LSM3: variants seen among roughly 807,000 people sequenced by gnomAD.
LSM3 encodes the protein LSM3 homolog, U6 small nuclear RNA and mRNA degradation associated, also known as U6 snRNA-associated Sm-like protein LSm3.
In LSM3, 14 loss-of-function variants were observed where a neutral mutation model predicts 15.4. The ratio of observed to expected loss-of-function variants is 0.91; its 90% confidence interval spans 0.60 to 1.42. LSM3 has a LOEUF of 1.42. Ranked by LOEUF, LSM3 falls within the 40% of genes most tolerant of loss-of-function variation. The probability of loss-of-function intolerance (pLI) is 0.00; values close to 1 mark genes in which losing one functional copy is unlikely to be tolerated. For synonymous variants in LSM3, 46 were observed against 45.1 expected, an observed-to-expected ratio of 1.02 and a Z score of -0.08; for missense variants, 88 against 127.9, an observed-to-expected ratio of 0.69 and a Z score of 1.50.
intron 2 of LSM3, 69 bp downstream of exon 2, chr3:14,181,739 C>T: frequency 8.8e-7 from 1 of 1,141,658 alleles, no homozygotes; most frequent in African/African-American, 1.5e-5. Flanking sequence ...AAATGTAAAA[C>T]CTGTCCAGAG....
At chr3:14,191,522 T>C (rs1697139369) in intron 3 of LSM3, among the ~76,000 whole-genome samples, 1 of 152,232 alleles carries the variant, frequency 6.6e-6, no homozygotes, top group Non-Finnish European at 1.5e-5. Flanking sequence ...AGGGTGTATG[T>C]GTCCAGGAAT....
intron 3 of LSM3, 77 bp downstream of exon 3, chr3:14,184,109 G>C: frequency 6.8e-7 from 1 of 1,476,278 alleles, no homozygotes; most frequent in Non-Finnish European, 9.0e-7. Flanking sequence ...ATATTTATGG[G>C]AAGCCTGTCA....
At chr3:14,194,574 G>A (rs1697170908) in intron 3 of LSM3, among the ~76,000 whole-genome samples, 1 of 151,902 alleles carries the variant, frequency 6.6e-6, no homozygotes, top group African/African-American at 2.4e-5. Flanking sequence ...CTAAATGTTT[G>A]TATGAGTGAA....
chr3:14,184,797 TG>T (rs1210304994), intron 3 of LSM3, among the ~76,000 whole-genome samples: 2 of 151,642 alleles, frequency 1.3e-5, no homozygotes, highest in African/African-American at 2.4e-5. Flanking sequence ...GGCTCACACC[TG>T]TAATCCTAGC....
rs770997752 is a variant in LSM3 at position 14,181,547 on chromosome 3, T to C, written c.22-13T>C. The C allele has an allele frequency of 1.3e-6, 2 of 1,564,374 alleles. No homozygotes were observed. Among genetic ancestry groups the C allele is most frequent in the Non-Finnish European group, 1.8e-6 (2 of 1,134,834 alleles). ...CTCTAGTACTACATTACTAATCCTG[T>C]TTCTTTTATCAGCAACAAACTACCA... On this transcript the variant is annotated splice_polypyrimidine_tract_variant and intron_variant, in intron 1 of 3. Transcript: ENST00000306024.
intron 3 of LSM3, among the ~76,000 whole-genome samples, chr3:14,188,626 GT>G (rs199818320): frequency 1.3e-5 from 2 of 151,646 alleles, no homozygotes; most frequent in African/African-American, 2.4e-5. Context: ...CCCTTCCCCT[GT>G]TTTTTTATCA....
intron 2 of LSM3, among the ~76,000 whole-genome samples, chr3:14,183,023 T>TG (rs1697054781): frequency 6.6e-6 from 1 of 152,232 alleles, no homozygotes; most frequent in South Asian, 2.1e-4. Context: ...GTGGTAACTT[T>TG]GGGAATACAA....
rs535657050 is a variant in LSM3 at position 14,200,327 on chromosome 3, A to G, written c.*2211A>G. ...CTTTTGGAGCTGGGACTCAATCCAC[A>G]ACAGAGACAGCTCAAGCAGGGCCCT... is the stretch of plus-strand genomic sequence containing the variant. On this transcript the variant is annotated 3_prime_UTR_variant, in exon 4 of 4. Transcript: ENST00000306024. The G allele has an allele frequency of 2.0e-5, 3 of 152,210 alleles. No individual in the cohort carries two copies. The highest frequency in any genetic ancestry group is 4.4e-5 in the Non-Finnish European group (3 of 68,072). The allele number at this position is 152,210 out of a possible 1,614,324, so 9.4% of individuals were successfully genotyped here. A position where few individuals can be genotyped will look rare whatever the true frequency, so the allele number is the denominator to read the frequency against.
chr3:14,185,768 T>A (rs1697082824), intron 3 of LSM3, among the ~76,000 whole-genome samples: 1 of 152,248 alleles, frequency 6.6e-6, no homozygotes, highest in South Asian at 2.1e-4. Context: ...GCACCTCAAA[T>A]GGATCTCTTA....
intron 2 of LSM3, among the ~76,000 whole-genome samples, chr3:14,182,554 A>T (rs1465812628): frequency 6.6e-6 from 1 of 152,170 alleles, no homozygotes; most frequent in Non-Finnish European, 1.5e-5. Context: ...CCTTGAAATA[A>T]TCCCATTTGT....
At chr3:14,193,625 A>G (rs527535929) in intron 3 of LSM3, among the ~76,000 whole-genome samples, 2 of 152,276 alleles carry the variant, frequency 1.3e-5, no homozygotes, top group East Asian at 3.9e-4. Flanking sequence ...TTTCAGCTCC[A>G]TCAGGCCATT....
At chr3:14,178,966 C>T in intron 1 of LSM3, 85 bp downstream of exon 1, 1 of 1,428,466 alleles carries the variant, frequency 7.0e-7, no homozygotes, top group South Asian at 1.1e-5. Flanking sequence ...GCCAGTCGTG[C>T]CTCCTCTCTC....
chr3:14,183,835 C>T (rs1267588141), intron 2 of LSM3, 102 bp from the exon 3 acceptor site: 8 of 742,998 alleles, frequency 1.1e-5, no homozygotes, highest in Non-Finnish European at 1.7e-5. Flanking sequence ...ATGTAAGTAT[C>T]AAATGCCCTA....
chr3:14,179,455 G>A (rs1305770093), intron 1 of LSM3, among the ~76,000 whole-genome samples: 3 of 152,138 alleles, frequency 2.0e-5, no homozygotes, highest in Non-Finnish European at 4.4e-5. Context: ...TTTTTCACCT[G>A]GTCTTTTTCT....
chr3:14,181,855 G>A lies in LSM3; in HGVS notation c.132+185G>A, dbSNP rs556260982. On this transcript the variant is annotated intron_variant, in intron 2 of 3. Coordinates refer to ENST00000306024, the MANE Select transcript of LSM3 (RefSeq NM_014463.3). Reference sequence around the variant, plus strand: ...ATTTTTAACATTTTTTCTTTTAATAGAAATACGTTTATTATAGAACATTTT... The same window carrying A: ...ATTTTTAACATTTTTTCTTTTAATAAAAATACGTTTATTATAGAACATTTT... 2.8e-3 allele frequency among the ~76,000 whole-genome samples: 426 copies of A among 152,220 alleles called. 2 individuals carry two copies. Among genetic ancestry groups the A allele is most frequent in the Non-Finnish European group, 3.1e-3 (210 of 68,010 alleles).
chr3:14,185,497 TAATC>T (rs1697080630), intron 3 of LSM3, among the ~76,000 whole-genome samples: 1 of 152,252 alleles, frequency 6.6e-6, no homozygotes, highest in South Asian at 2.1e-4. Flanking sequence ...ATGCCCCGCT[TAATC>T]GATAACAGCT....
intron 2 of LSM3, among the ~76,000 whole-genome samples, chr3:14,182,530 CT>C (rs1248107814): frequency 7.9e-5 from 12 of 152,018 alleles, no homozygotes; most frequent in Non-Finnish European, 1.2e-4. Flanking sequence ...TGCAAAATAT[CT>C]GTAGAATTGG....
rs1028779863 is a variant in LSM3 at position 14,201,012 on chromosome 3, G to A, written c.*2896G>A. On this transcript the variant is annotated 3_prime_UTR_variant, in exon 4 of 4. Transcript: ENST00000306024. Reference sequence around the variant, plus strand: ...CATATTGCTTTTAGCCTGCTGCCAGGAGGGGAGAAATGTTATTGTTTGAAC... The same window carrying A: ...CATATTGCTTTTAGCCTGCTGCCAGAAGGGGAGAAATGTTATTGTTTGAAC... The A allele has an allele frequency of 6.6e-6, 1 of 152,226 alleles. No individual in the cohort carries two copies. Among genetic ancestry groups the A allele is most frequent in the South Asian group, 2.1e-4 (1 of 4,838 alleles). The allele number at this position is 152,226 out of a possible 1,614,324, so 9.4% of individuals were successfully genotyped here.
chr3:14,181,439 C>T, intron 1 of LSM3, 121 bp from the exon 2 acceptor site: 1 of 678,916 alleles, frequency 1.5e-6, no homozygotes, highest in Non-Finnish European at 2.7e-6. Flanking sequence ...CTCCATTTTA[C>T]AGATTAGGAG....
Sources: allele counts gnomAD v4.1 joint callset (sites outside exome capture counted in the v4.1 genomes callset), GRCh38; gene constraint gnomAD v4.1.1; transcripts MANE v1.5; gene names NCBI Gene and HGNC (gene_info 2026-07-23, HGNC 2026-07-21).